Variants in ZNF148 observed in about 807,000 individuals in gnomAD.
ZNF148 encodes Beta-Enolase Repressor Factor-1.
A neutral mutation model predicts 67.7 loss-of-function variants in ZNF148; 7 were observed. The ratio of observed to expected loss-of-function variants is 0.10; its 90% CI spans 0.06 to 0.19. The LOEUF is 0.19. Among genes scored for constraint, ZNF148 ranks in the 10% least tolerant of loss-of-function variants. ZNF148 has a pLI of 1.00. For missense variants in ZNF148, 583 were observed against 947.1 expected (o/e 0.62, Z 5.05); for synonymous variants, 333 against 330.7 (o/e 1.01, Z -0.08).
At chr3:125,282,716 C>A (rs1294125981) in intron 5 of ZNF148, among the ~76,000 whole-genome samples, 3 of 152,064 alleles carry the variant, frequency 2.0e-5, no homozygotes, top group African/African-American at 4.8e-5. Flanking sequence ...CAGCCAGCTA[C>A]CTAAATATAC....
chr3:125,364,489 C>G (rs941262980), intron 1 of ZNF148, among the ~76,000 whole-genome samples: 2 of 151,954 alleles, frequency 1.3e-5, no homozygotes, highest in African/African-American at 4.8e-5. Flanking sequence ...TGATAGAATA[C>G]CACACAGCAA....
intron 1 of ZNF148, among the ~76,000 whole-genome samples, chr3:125,340,599 A>G (rs2107733062): frequency 6.6e-6 from 1 of 152,322 alleles, no homozygotes; most frequent in Non-Finnish European, 1.5e-5. Flanking sequence ...AGTAGACTGC[A>G]AAGTCTCTAA....
At chr3:125,355,604 G>A (rs547452123) in intron 1 of ZNF148, among the ~76,000 whole-genome samples, 3 of 152,132 alleles carry the variant, frequency 2.0e-5, no homozygotes, top group South Asian at 2.1e-4. Flanking sequence ...ACAAAAGGTC[G>A]GGCTGGGCAC....
chr3:125,339,683 T>C (rs1312952093), intron 1 of ZNF148, among the ~76,000 whole-genome samples: 3 of 152,206 alleles, frequency 2.0e-5, no homozygotes, highest in Admixed American at 6.5e-5. Context: ...AATTGGATTG[T>C]TGGTAATACA....
At chr3:125,266,257 A>G (rs926000235) in intron 7 of ZNF148, among the ~76,000 whole-genome samples, 10 of 152,078 alleles carry the variant, frequency 6.6e-5, no homozygotes. Context: ...CTACCCAACA[A>G]CCATAGAAAA....
intron 1 of ZNF148, among the ~76,000 whole-genome samples, chr3:125,374,702 T>C (rs1198426558): frequency 6.6e-6 from 1 of 151,936 alleles, no homozygotes; most frequent in East Asian, 1.9e-4. Context: ...CTGCGGTGCA[T>C]AAAGCACTGC....
intron 7 of ZNF148, among the ~76,000 whole-genome samples, chr3:125,235,212 C>A (rs1936031481): frequency 6.6e-6 from 1 of 152,110 alleles, no homozygotes; most frequent in South Asian, 2.1e-4. Flanking sequence ...TATCCAAACC[C>A]CTTGTTGTAG....
At chr3:125,278,093 T>A (rs1458243294) in intron 6 of ZNF148, among the ~76,000 whole-genome samples, 1 of 152,126 alleles carries the variant, frequency 6.6e-6, no homozygotes, top group South Asian at 2.1e-4. Context: ...AATTTTAACA[T>A]CATGGGGTGA....
intron 4 of ZNF148, among the ~76,000 whole-genome samples, chr3:125,310,666 C>A (rs894984914): frequency 1.3e-5 from 2 of 151,974 alleles, no homozygotes; most frequent in Non-Finnish European, 2.9e-5. Context: ...TCAAGAAAAT[C>A]AAAAGCTGTT....
intron 1 of ZNF148, among the ~76,000 whole-genome samples, chr3:125,347,865 G>A (rs985182101): frequency 6.6e-6 from 1 of 152,108 alleles, no homozygotes; most frequent in African/African-American, 2.4e-5. Context: ...AGACAATTCA[G>A]TAGAGAAAGA....
chr3:125,255,742 T>G (rs138312010), intron 7 of ZNF148, among the ~76,000 whole-genome samples: 165 of 152,310 alleles, frequency 1.1e-3, no homozygotes, highest in African/African-American at 3.5e-3. Flanking sequence ...CTAGGTTAGC[T>G]TTCAGCATTT....
intron 7 of ZNF148, among the ~76,000 whole-genome samples, chr3:125,247,873 C>T (rs1442261781): frequency 6.6e-6 from 1 of 152,150 alleles, no homozygotes; most frequent in Non-Finnish European, 1.5e-5. Flanking sequence ...AATTAAAGAT[C>T]TGAGAGTTGA....
intron 2 of ZNF148, among the ~76,000 whole-genome samples, chr3:125,329,957 T>A (rs1941211703): frequency 6.6e-6 from 1 of 152,190 alleles, no homozygotes; most frequent in South Asian, 2.1e-4. Context: ...TCTGGAAGGA[T>A]ATACAATGAT....
intron 1 of ZNF148, among the ~76,000 whole-genome samples, chr3:125,341,990 G>GT (rs1941741457): frequency 3.4e-5 from 2 of 58,544 alleles, no homozygotes; most frequent in African/African-American, 2.3e-4. Context: ...GCCACACTCT[G>GT]TTTCGGGGCG....
At chr3:125,292,444 G>C (rs1372872498) in intron 4 of ZNF148, 1 of 152,114 alleles carries the variant, frequency 6.6e-6, no homozygotes, top group Non-Finnish European at 1.5e-5. Context: ...TAGATGAACT[G>C]ATCAAATCAA....
chr3:125,342,263 A>T (rs1941759304), intron 1 of ZNF148, among the ~76,000 whole-genome samples: 1 of 152,268 alleles, frequency 6.6e-6, no homozygotes, highest in South Asian at 2.1e-4. Context: ...TTGCAGATCC[A>T]AATAGCTAAG....
At chr3:125,329,701 CACT>C (rs1941199917) in intron 2 of ZNF148, among the ~76,000 whole-genome samples, 1 of 151,352 alleles carries the variant, frequency 6.6e-6, no homozygotes, top group African/African-American at 2.4e-5. Context: ...CAAGAATATT[CACT>C]ACATCATCAT....
rs1040418524 is a variant in ZNF148 at position 125,336,127 on chromosome 3, C to T, written c.-233-4889G>A. ...AATCATTTTTAAAGTTTCAATGAAA[C>T]GTGTAATGCTTACACATTAACTGTT... On this transcript the variant is annotated intron_variant, in intron 1 of 8. Coordinates refer to ENST00000360647, the MANE Select transcript of ZNF148 (RefSeq NM_021964.3). Among the ~76,000 whole-genome samples, 9 of 152,172 alleles carry T rather than the reference C, an allele frequency of 5.9e-5. No homozygotes were observed. The East Asian group carries it at 7.7e-4, about 13-fold the overall frequency.
chr3:125,242,484 G>A (rs751633977), intron 7 of ZNF148, among the ~76,000 whole-genome samples: 13 of 152,070 alleles, frequency 8.5e-5, no homozygotes, highest in Admixed American at 3.3e-4. Context: ...TTAGCCAAGC[G>A]TGGTGGCACA....
Sources: allele counts gnomAD v4.1 joint callset (sites outside exome capture counted in the v4.1 genomes callset), GRCh38; gene constraint gnomAD v4.1.1; transcripts MANE v1.5; gene names NCBI Gene and HGNC (gene_info 2026-07-23, HGNC 2026-07-21).